The following TRPC1 variants were observed in gnomAD, a reference collection of about 807,000 sequenced individuals.
The protein encoded by TRPC1 is short transient receptor potential channel 1.
TRPC1 carries 42 observed loss-of-function variants against 88.2 expected under a neutral mutation model. The observed-to-expected ratio is 0.48, with a 90% CI of 0.37 to 0.62. The LOEUF is 0.62. Ranked by LOEUF, TRPC1 falls within the 20% of genes least tolerant of loss-of-function variation. The pLI, the probability that TRPC1 is intolerant of heterozygous loss-of-function variation, is 0.00. For synonymous variants in TRPC1, 288 were observed against 331.8 expected (o/e 0.87, Z 1.43); for missense variants, 699 against 957.3 (o/e 0.73, Z 3.56).
chr3:142,743,958 CTT>C (rs1399324798), intron 3 of TRPC1, among the ~76,000 whole-genome samples: 1 of 152,042 alleles, frequency 6.6e-6, no homozygotes, highest in Non-Finnish European at 1.5e-5. Context: ...AGTAGAAAGA[CTT>C]TATGTGCATA....
intron 7 of TRPC1, among the ~76,000 whole-genome samples, chr3:142,790,727 CGTGT>C (rs1194661181): frequency 1.3e-5 from 2 of 151,718 alleles, no homozygotes; most frequent in African/African-American, 4.8e-5. Flanking sequence ...TGCATGCATC[CGTGT>C]GTGTGTGTTT....
intron 9 of TRPC1, among the ~76,000 whole-genome samples, chr3:142,798,023 G>A (rs139432063): frequency 8.3e-4 from 126 of 152,182 alleles, no homozygotes; most frequent in Non-Finnish European, 1.5e-3. Context: ...TAGAGAAACC[G>A]AGGAGTCATG....
At chr3:142,804,736 CTGACT>C in intron 12 of TRPC1, 106 bp downstream of exon 12, 1 of 1,014,038 alleles carries the variant, frequency 9.9e-7, no homozygotes, top group Non-Finnish European at 1.4e-6. Flanking sequence ...CTGTGACTGT[CTGACT>C]TTTTTTCACT....
Position 142,736,507 on chromosome 3 carries a change from C to T in TRPC1, c.301C>T (p.Gln101Ter). The stretch of plus-strand genomic sequence containing the variant: ...TGAAAACGAAAACTTGGATATACTG[C>T]AGCTTCTTTTGGACTACGGTTGTCA... ...TIENENLDIL[Q>*]LLLDYGCQSA... The change falls in exon 2 of 13, where the codon CAG becomes TAG. Residue 101 changes from glutamine (Q) to a stop codon, truncating the protein, a stop_gained. Transcript: ENST00000476941. LOFTEE classifies it high-confidence loss of function. The T allele has an allele frequency of 6.2e-7, 1 of 1,610,116 alleles. No homozygotes were observed. The highest frequency in any genetic ancestry group is 8.5e-7 in the Non-Finnish European group (1 of 1,178,592).
intron 9 of TRPC1, among the ~76,000 whole-genome samples, chr3:142,797,725 C>T (rs1289127520): frequency 6.6e-6 from 1 of 152,034 alleles, no homozygotes; most frequent in Non-Finnish European, 1.5e-5. Flanking sequence ...AAGATGCATA[C>T]CACAGTACTT....
chr3:142,737,731 G>A (rs1934193800), intron 2 of TRPC1, among the ~76,000 whole-genome samples: 1 of 152,118 alleles, frequency 6.6e-6, no homozygotes, highest in South Asian at 2.1e-4. Flanking sequence ...ATCTCTGAGG[G>A]AGCTGTATGT....
rs539219403 is a variant in TRPC1, at chr3:142,802,275, A to G, written c.1688A>G (p.Tyr563Cys). 3 of 1,600,144 alleles carry G rather than the reference A, an allele frequency of 1.9e-6. No individual in the cohort carries two copies. The highest frequency in any genetic ancestry group is 1.7e-5 in the Admixed American group (1 of 57,772). Residue 563 changes from tyrosine to cysteine, a missense_variant, in exon 10 of 13, where the codon TAT (tyrosine) becomes TGT (cysteine). Physicochemically the swap from Tyr to Cys is radical, Grantham distance 194. Transcript: ENST00000476941. ...CTGACACAACTGTATGATAAAGGAT[A>G]TACTTCAAAGGAGCAGAAGGACTGT... ...IGLTQLYDKG[Y>C]TSKEQKDCVG...
chr3:142,756,009 TCTTGA>T (rs1277898882), intron 4 of TRPC1, among the ~76,000 whole-genome samples: 2 of 152,220 alleles, frequency 1.3e-5, no homozygotes, highest in Admixed American at 1.3e-4. Flanking sequence ...TCATAAAATA[TCTTGA>T]CTTATGTCTC....
At chr3:142,778,941 G>A (rs1234513581) in intron 5 of TRPC1, among the ~76,000 whole-genome samples, 1 of 152,104 alleles carries the variant, frequency 6.6e-6, no homozygotes, top group Middle Eastern at 3.2e-3. Flanking sequence ...TTACTTTGAT[G>A]AACACACAAA....
intron 4 of TRPC1, among the ~76,000 whole-genome samples, chr3:142,773,077 A>G (rs1004959535): frequency 2.0e-5 from 3 of 152,178 alleles, no homozygotes; most frequent in East Asian, 1.9e-4. Context: ...TCCATCTCCA[A>G]ATAAAGTTAT....
At chr3:142,734,184 T>G (rs1399438857) in intron 1 of TRPC1, among the ~76,000 whole-genome samples, 1 of 152,190 alleles carries the variant, frequency 6.6e-6, no homozygotes, top group Non-Finnish European at 1.5e-5. Flanking sequence ...CTTGTTGTCT[T>G]GGGGTTCAAA....
At chr3:142,804,747 T>C in intron 12 of TRPC1, 117 bp downstream of exon 12, 1 of 864,070 alleles carries the variant, frequency 1.2e-6, no homozygotes, top group Non-Finnish European at 1.8e-6. Flanking sequence ...TGACTTTTTT[T>C]CACTGCTATA....
intron 7 of TRPC1, 113 bp from the exon 8 acceptor site, chr3:142,790,906 C>A: frequency 8.5e-6 from 7 of 824,108 alleles, no homozygotes; most frequent in African/African-American, 4.2e-5. Flanking sequence ...GTTTTTTTTT[C>A]TTTTGAATAA....
At chr3:142,799,732 T>C (rs1250595000) in intron 9 of TRPC1, among the ~76,000 whole-genome samples, 1 of 152,036 alleles carries the variant, frequency 6.6e-6, no homozygotes, top group African/African-American at 2.4e-5. Context: ...CCTAGGAGGT[T>C]AAGGCTACAG....
intron 1 of TRPC1, among the ~76,000 whole-genome samples, chr3:142,726,606 AT>A (rs1249552681): frequency 4.6e-5 from 7 of 152,232 alleles, no homozygotes; most frequent in African/African-American, 1.7e-4. Flanking sequence ...CTTGAGTTAG[AT>A]TTGGAAAAAT....
At chr3:142,794,798 C>G (rs2108147699) in intron 9 of TRPC1, among the ~76,000 whole-genome samples, 1 of 152,238 alleles carries the variant, frequency 6.6e-6, no homozygotes, top group African/African-American at 2.4e-5. Context: ...CAATAGTTAT[C>G]TCAAGCCTAC....
intron 4 of TRPC1, among the ~76,000 whole-genome samples, chr3:142,772,231 A>G (rs893961119): frequency 6.6e-6 from 1 of 151,938 alleles, no homozygotes; most frequent in African/African-American, 2.4e-5. Context: ...GTTAGCTATT[A>G]TTTCTTTGAA....
chr3:142,745,185 A>AC (rs58835989), intron 3 of TRPC1, among the ~76,000 whole-genome samples: 25,324 of 152,128 alleles, frequency 0.17, 2,296 homozygotes, highest in Middle Eastern at 0.25. Flanking sequence ...TATCTAAAAT[A>AC]CCATTCAATT....
intron 7 of TRPC1, among the ~76,000 whole-genome samples, chr3:142,787,568 A>G (rs1476265843): frequency 6.6e-6 from 1 of 152,240 alleles, no homozygotes; most frequent in Non-Finnish European, 1.5e-5. Flanking sequence ...GCTATTAAAC[A>G]TAATAGAATG....
Sources: gnomAD v4.1 joint callset for allele counts (sites outside exome capture counted in the v4.1 genomes callset) on GRCh38, gnomAD v4.1.1 for gene constraint, MANE v1.5 for transcripts, NCBI Gene and HGNC (gene_info 2026-07-23, HGNC 2026-07-21) for gene names.